The following PRKN variants were observed in gnomAD, a reference collection of about 807,000 sequenced individuals.
PRKN encodes parkin RBR E3 ubiquitin protein ligase, also known as E3 ubiquitin-protein ligase parkin.
PRKN carries 56 observed loss-of-function variants against 59.5 expected under a neutral mutation model. The observed-to-expected ratio is 0.94, with a 90% CI of 0.76 to 1.18. The LOEUF (loss-of-function observed/expected upper bound fraction) is 1.18. Ranked by LOEUF, PRKN falls within the 50% of genes most tolerant of loss-of-function variation. The probability of loss-of-function intolerance (pLI) is 0.00; values close to 1 mark genes in which losing one functional copy is unlikely to be tolerated. For missense variants in PRKN, 657 were observed against 596.4 expected (o/e 1.10, Z -1.06); for synonymous variants, 250 against 222.1 (o/e 1.13, Z -1.12).
intron 6 of PRKN, among the ~76,000 whole-genome samples, chr6:161,859,300 G>A (rs987342882): frequency 2.6e-5 from 4 of 151,810 alleles, no homozygotes; most frequent in African/African-American, 9.7e-5. Context: ...CTCACATTTC[G>A]GTTTTCTAGA....
In PRKN at chr6:161,379,945, T is replaced by C. The variant is rs533111567; in HGVS notation, c.1167+6849A>G. Among the ~76,000 whole-genome samples the C allele has an allele frequency of 6.6e-6, 1 of 152,320 alleles. No individual in the cohort carries two copies. The highest frequency in any genetic ancestry group is 2.4e-5 in the African/African-American group (1 of 41,574). On this transcript the variant is annotated intron_variant, in intron 10 of 11. Coordinates refer to ENST00000366898, the MANE Select transcript of PRKN (RefSeq NM_004562.3). The surrounding 1 kb of genome is among the most constrained non-coding windows in gnomAD (Gnocchi z 4.9). The stretch of plus-strand genomic sequence containing the variant: ...GCCAGAGATCTTTCGAAAGCACCCA[T>C]CTGATGACGTCAATCTTTAAAAAAT...
At chr6:162,439,222 A>G (rs924718448) in intron 2 of PRKN, among the ~76,000 whole-genome samples, 4 of 152,072 alleles carry the variant, frequency 2.6e-5, no homozygotes, top group East Asian at 1.9e-4. Context: ...AATGTTTTCT[A>G]TGTTGCTAGG....
rs116921899 is a variant in PRKN, at chr6:162,533,127, T to C, written c.8-89654A>G. Among the ~76,000 whole-genome samples the C allele has an allele frequency of 4.8e-3, 737 of 152,322 alleles. 6 individuals are homozygous for C. Among genetic ancestry groups the C allele is most frequent in the Non-Finnish European group, 9.2e-3 (623 of 68,022 alleles). ...CTGCTTAGCTAATTCCAACCCATTA[T>C]TGTAAGCAGCAACAACAGAGGAAGG... On this transcript the variant is annotated intron_variant, in intron 1 of 11. Coordinates refer to ENST00000366898, the MANE Select transcript of PRKN (RefSeq NM_004562.3).
intron 7 of PRKN, among the ~76,000 whole-genome samples, chr6:161,636,911 C>T (rs1000819414): frequency 1.6e-4 from 25 of 152,172 alleles, no homozygotes; most frequent in African/African-American, 1.9e-4. Flanking sequence ...ACTGCCTGAG[C>T]GCTCAGGTCT....
chr6:162,264,269 ACT>A (rs1780025039), intron 2 of PRKN, among the ~76,000 whole-genome samples: 1 of 152,100 alleles, frequency 6.6e-6, no homozygotes, highest in East Asian at 1.9e-4. Flanking sequence ...AGAGAGAGAG[ACT>A]CTGTCTCAAA....
intron 6 of PRKN, among the ~76,000 whole-genome samples, chr6:161,947,243 T>C (rs1047671244): frequency 1.8e-4 from 28 of 152,192 alleles, no homozygotes; most frequent in African/African-American, 6.8e-4. Context: ...AGAATAATTA[T>C]CTCTTTTATT....
chr6:161,590,714 C>T (rs550178366), intron 7 of PRKN, among the ~76,000 whole-genome samples: 11 of 147,848 alleles, frequency 7.4e-5, no homozygotes, highest in East Asian at 6.0e-4. Flanking sequence ...GCCTGGGTGA[C>T]GACAGAGTGA....
chr6:162,346,278 G>A (rs181508579), intron 2 of PRKN, among the ~76,000 whole-genome samples: 3 of 151,938 alleles, frequency 2.0e-5, no homozygotes, highest in Admixed American at 2.0e-4. Context: ...GAGCATTTTT[G>A]CCGTATTTTC....
At chr6:162,217,436 A>G (rs1367462140) in intron 3 of PRKN, among the ~76,000 whole-genome samples, 1 of 152,096 alleles carries the variant, frequency 6.6e-6, no homozygotes, top group Non-Finnish European at 1.5e-5. Flanking sequence ...CCTGGAGTGC[A>G]ATGGTGCTAC....
intron 7 of PRKN, among the ~76,000 whole-genome samples, chr6:161,669,604 C>G (rs1435321276): frequency 6.6e-6 from 1 of 152,194 alleles, no homozygotes; most frequent in Admixed American, 6.5e-5. Context: ...CCTGTCTTAC[C>G]ACACAGAGAG....
intron 2 of PRKN, among the ~76,000 whole-genome samples, chr6:162,408,451 T>G (rs1036923919): frequency 3.3e-5 from 5 of 152,168 alleles, no homozygotes; most frequent in Admixed American, 6.6e-5. Context: ...GAGGAATTAT[T>G]ACAAGTGGTA....
At chr6:162,143,304 T>C (rs1781867322) in intron 4 of PRKN, among the ~76,000 whole-genome samples, 1 of 152,214 alleles carries the variant, frequency 6.6e-6, no homozygotes, top group South Asian at 2.1e-4. Context: ...TGAAGCTGGC[T>C]GGTACGAGTC....
chr6:162,228,778 T>C (rs1437228721), intron 3 of PRKN, among the ~76,000 whole-genome samples: 1 of 152,190 alleles, frequency 6.6e-6, no homozygotes, highest in African/African-American at 2.4e-5. Flanking sequence ...TTTACAAACA[T>C]TATTTCCAGG....
chr6:161,929,821 A>G (rs1779106904), intron 6 of PRKN, among the ~76,000 whole-genome samples: 1 of 152,068 alleles, frequency 6.6e-6, no homozygotes, highest in Admixed American at 6.5e-5. Flanking sequence ...TCTCACGTCA[A>G]TTTTTTTAAA....
intron 7 of PRKN, among the ~76,000 whole-genome samples, chr6:161,631,185 A>G (rs145104819): frequency 1.3e-3 from 191 of 152,340 alleles, no homozygotes; most frequent in Non-Finnish European, 2.4e-3. Context: ...TGTGCCATGC[A>G]TGAGCTAGTG....
At chr6:162,669,340 T>C (rs1464503630) in intron 1 of PRKN, among the ~76,000 whole-genome samples, 1 of 152,178 alleles carries the variant, frequency 6.6e-6, no homozygotes, top group Non-Finnish European at 1.5e-5. Flanking sequence ...ACATTAAGTG[T>C]TGTATCTTCT....
At chr6:162,413,393 G>A (rs1255436151) in intron 2 of PRKN, among the ~76,000 whole-genome samples, 1 of 152,064 alleles carries the variant, frequency 6.6e-6, no homozygotes, top group African/African-American at 2.4e-5. Flanking sequence ...GGGGGAAAGA[G>A]ACAAATGAGA....
chr6:161,568,629 T>A (rs527562114), intron 8 of PRKN, among the ~76,000 whole-genome samples: 146 of 152,116 alleles, frequency 9.6e-4, no homozygotes, highest in African/African-American at 3.5e-3. Flanking sequence ...ACACTGGAAG[T>A]TAGGTCAATC....
intron 2 of PRKN, among the ~76,000 whole-genome samples, chr6:162,267,627 G>A (rs1407873196): frequency 6.6e-6 from 1 of 152,038 alleles, no homozygotes; most frequent in African/African-American, 2.4e-5. Flanking sequence ...CAACAAGTAA[G>A]GCAGTAACAA....
Sources: gnomAD v4.1 joint callset for allele counts (sites outside exome capture counted in the v4.1 genomes callset) on GRCh38, gnomAD v4.1.1 for gene constraint, Gnocchi (gnomAD v3.1) non-coding constraint, MANE v1.5 for transcripts, NCBI Gene and HGNC (gene_info 2026-07-23, HGNC 2026-07-21) for gene names.